Variants in PLD5 observed in about 807,000 individuals in gnomAD.
PLD5 encodes phospholipase D family member 5.
Under a neutral mutation model 61.1 loss-of-function variants are expected in PLD5, and 36 were observed. The ratio of observed to expected loss-of-function variants is 0.59; its 90% CI spans 0.45 to 0.78. The LOEUF is 0.78. Among genes scored for constraint, PLD5 ranks in the 30% least tolerant of loss-of-function variants. The pLI, the probability that PLD5 is intolerant of heterozygous loss-of-function variation, is 0.00. For synonymous variants in PLD5, 243 were observed against 242.8 expected (o/e 1.00, Z -0.01); for missense variants, 515 against 644.4 (o/e 0.80, Z 2.17).
chr1:242,103,658 A>G (rs1270147949), intron 8 of PLD5, among the ~76,000 whole-genome samples: 1 of 152,184 alleles, frequency 6.6e-6, no homozygotes, highest in Non-Finnish European at 1.5e-5. Flanking sequence ...CTCCTCTGAT[A>G]CTGGGCACCT....
intron 1 of PLD5, among the ~76,000 whole-genome samples, chr1:242,483,994 A>T (rs529873830): frequency 1.8e-4 from 27 of 152,208 alleles, no homozygotes; most frequent in African/African-American, 6.0e-4. Context: ...AGAAATAAAG[A>T]TGTTCTTTGA....
At chr1:242,278,664 G>A (rs565854311) in intron 3 of PLD5, among the ~76,000 whole-genome samples, 4 of 152,250 alleles carry the variant, frequency 2.6e-5, no homozygotes, top group Admixed American at 1.3e-4. Flanking sequence ...ATGCTGTATC[G>A]TTATAAATGG....
intron 1 of PLD5, chr1:242,377,267 CA>C: frequency 6.2e-7 from 1 of 1,610,198 alleles, no homozygotes; most frequent in Non-Finnish European, 8.5e-7. Flanking sequence ...CGTGGAACTG[CA>C]GCAGGTTTTC....
intron 1 of PLD5, among the ~76,000 whole-genome samples, chr1:242,423,906 C>T (rs887482191): frequency 1.3e-5 from 2 of 152,226 alleles, no homozygotes; most frequent in African/African-American, 4.8e-5. Context: ...TATTTTCATA[C>T]TGCCATCATT....
chr1:242,432,020 C>A (rs1665746692), intron 1 of PLD5, among the ~76,000 whole-genome samples: 1 of 152,162 alleles, frequency 6.6e-6, no homozygotes, highest in Non-Finnish European at 1.5e-5. Context: ...TCCAGCATCA[C>A]CAGCCACAGG....
At position 242,200,789 on chromosome 1, in the gene PLD5, G is replaced by A. The variant is rs113620775; in HGVS notation, c.735+19199C>T. Among the ~76,000 whole-genome samples the A allele has an allele frequency of 3.3e-4, 50 of 152,270 alleles. 2 individuals carry two copies. Among genetic ancestry groups the A allele is most frequent in the African/African-American group, 8.9e-4 (37 of 41,542 alleles). On this transcript the variant is annotated intron_variant, in intron 5 of 9. Transcript: ENST00000536534. ...TTCTGAAGCCTGTCCTGCATCTCACGCAGGGGTGCAAGTGAAGATTAAATG... is the reference window on the plus strand; with the variant it reads ...TTCTGAAGCCTGTCCTGCATCTCACACAGGGGTGCAAGTGAAGATTAAATG...
At chr1:242,318,007 A>G (rs1370656475) in intron 2 of PLD5, among the ~76,000 whole-genome samples, 1 of 152,196 alleles carries the variant, frequency 6.6e-6, no homozygotes, top group Admixed American at 6.5e-5. Context: ...AAGGAGGCAT[A>G]AAAAAGCTTT....
At chr1:242,097,557 A>C (rs1246873267) in intron 9 of PLD5, among the ~76,000 whole-genome samples, 1 of 152,304 alleles carries the variant, frequency 6.6e-6, no homozygotes, top group Non-Finnish European at 1.5e-5. Flanking sequence ...TCTTTTGAGA[A>C]GTGTCTGTTC....
intron 3 of PLD5, among the ~76,000 whole-genome samples, chr1:242,283,552 T>A (rs927884553): frequency 6.6e-6 from 1 of 152,228 alleles, no homozygotes; most frequent in Non-Finnish European, 1.5e-5. Flanking sequence ...AAAAATATTA[T>A]CTTTAAAAAA....
chr1:242,473,539 G>C (rs899022263), intron 1 of PLD5, among the ~76,000 whole-genome samples: 2 of 152,152 alleles, frequency 1.3e-5, no homozygotes, highest in Non-Finnish European at 2.9e-5. Context: ...CTAAACATGA[G>C]TATAGGTATG....
At chr1:242,353,384 C>CT (rs1312493635) in intron 1 of PLD5, among the ~76,000 whole-genome samples, 2 of 152,090 alleles carry the variant, frequency 1.3e-5, no homozygotes, top group Non-Finnish European at 2.9e-5. Flanking sequence ...AATGTGTCTA[C>CT]TTTTTTGCCA....
intron 2 of PLD5, among the ~76,000 whole-genome samples, chr1:242,342,843 G>A (rs992598938): frequency 1.2e-4 from 18 of 152,230 alleles, no homozygotes; most frequent in African/African-American, 4.1e-4. Flanking sequence ...TAAGTTTAGA[G>A]CCTTTGATAT....
At chr1:242,369,409 T>C (rs995358278) in intron 1 of PLD5, among the ~76,000 whole-genome samples, 6 of 152,156 alleles carry the variant, frequency 3.9e-5, no homozygotes, top group African/African-American at 1.4e-4. Context: ...TGTTTACATA[T>C]GTGCATAAAG....
chr1:242,379,910 T>C, intron 1 of PLD5, among the ~76,000 whole-genome samples: 1 of 152,210 alleles, frequency 6.6e-6, no homozygotes, highest in East Asian at 1.9e-4. Context: ...TTTCTTCAGT[T>C]CTCAACAAAA....
chr1:242,438,439 CTTTTTT>C (rs1171422837), intron 1 of PLD5, among the ~76,000 whole-genome samples: 6 of 120,504 alleles, frequency 5.0e-5, no homozygotes, highest in African/African-American at 1.2e-4. Flanking sequence ...AATTTTTTTT[CTTTTTT>C]TTTTTTTTTT....
chr1:242,125,422 C>T (rs1662706003), intron 5 of PLD5, among the ~76,000 whole-genome samples: 1 of 151,830 alleles, frequency 6.6e-6, no homozygotes, highest in South Asian at 2.1e-4. Flanking sequence ...AAATACTAGC[C>T]CCAAGTTAGA....
rs113322002 is a variant in PLD5, at chr1:242,201,238, A to G, written c.735+18750T>C. On this transcript the variant is annotated intron_variant, in intron 5 of 9. Transcript: ENST00000536534. Reference sequence around the variant, plus strand: ...AGAATTGGTGTTGGTGAATTCAACAATAAAGGACTGAAGTGACAGCTAATT... The same window carrying G: ...AGAATTGGTGTTGGTGAATTCAACAGTAAAGGACTGAAGTGACAGCTAATT... Among the ~76,000 whole-genome samples the G allele has an allele frequency of 2.0e-3, 299 of 152,334 alleles. 3 individuals carry two copies. Among genetic ancestry groups the G allele is most frequent in the African/African-American group, 6.7e-3 (278 of 41,574 alleles).
chr1:242,448,840 G>GA (rs930420113), intron 1 of PLD5, among the ~76,000 whole-genome samples: 63 of 149,278 alleles, frequency 4.2e-4, no homozygotes, highest in Middle Eastern at 7.0e-3. Context: ...AGTTTCAAAA[G>GA]AAAAAAAAAA....
chr1:242,397,297 T>C (rs1663642550), intron 1 of PLD5, among the ~76,000 whole-genome samples: 1 of 151,968 alleles, frequency 6.6e-6, no homozygotes, highest in African/African-American at 2.4e-5. Context: ...TGATGGCAAC[T>C]CCATCCTTCT....
Sources: allele counts gnomAD v4.1 joint callset (sites outside exome capture counted in the v4.1 genomes callset), GRCh38; gene constraint gnomAD v4.1.1; transcripts MANE v1.5; gene names NCBI Gene and HGNC (gene_info 2026-07-23, HGNC 2026-07-21).